The following NT5E variants were observed in gnomAD, a reference collection of about 807,000 sequenced individuals.
The protein encoded by NT5E is 5'-nucleotidase ecto.
Under a neutral mutation model 55.1 loss-of-function variants are expected in NT5E, and 53 were observed. The observed-to-expected ratio is 0.96, with a 90% CI of 0.77 to 1.21. The LOEUF (loss-of-function observed/expected upper bound fraction) is 1.21, where lower values mean the gene tolerates loss of function less well. Ranked by LOEUF, NT5E falls within the 50% of genes most tolerant of loss-of-function variation. The pLI is 0.00. For missense variants in NT5E, 683 were observed against 724.3 expected, an observed-to-expected ratio of 0.94 and a Z score of 0.65; for synonymous variants, 270 against 278.4, an observed-to-expected ratio of 0.97 and a Z score of 0.30.
In NT5E at chr6:85,495,336, T is replaced by C. The variant is rs1769868589; in HGVS notation, c.*1332T>C. The C allele has an allele frequency of 6.6e-6, 1 of 152,228 alleles. No individual in the cohort carries two copies. The highest frequency in any genetic ancestry group is 2.4e-5 in the African/African-American group (1 of 41,464). 9.4% of individuals were successfully genotyped at this position (152,228 alleles called of 1,614,324 possible). ...TACTTAACGTGGGAGTGGAACCACA[T>C]GAGCCTGCTCAGCTCTGCATAAGTA... On this transcript the variant is annotated 3_prime_UTR_variant, in exon 9 of 9. Transcript: ENST00000257770.
intron 1 of NT5E, 36 bp from the exon 2 acceptor site, chr6:85,467,024 G>A (rs759131355): frequency 7.6e-6 from 12 of 1,570,896 alleles, no homozygotes; most frequent in Non-Finnish European, 1.1e-5. Flanking sequence ...TGTTTTTAAA[G>A]CACCTAATTC....
intron 4 of NT5E, 62 bp downstream of exon 4, chr6:85,485,494 C>G: frequency 6.6e-7 from 1 of 1,515,918 alleles, no homozygotes; most frequent in Non-Finnish European, 9.2e-7. Flanking sequence ...ATATTTTGCT[C>G]CTTCCCATTT....
intron 1 of NT5E, among the ~76,000 whole-genome samples, chr6:85,464,727 A>G (rs1405305268): frequency 2.0e-5 from 3 of 152,188 alleles, no homozygotes; most frequent in Non-Finnish European, 4.4e-5. Flanking sequence ...ATAGCTGGAA[A>G]CCCAGTTAGG....
intron 1 of NT5E, among the ~76,000 whole-genome samples, chr6:85,456,617 GT>G (rs1055784721): frequency 2.6e-5 from 4 of 152,156 alleles, no homozygotes; most frequent in African/African-American, 9.7e-5. Context: ...GGAAATCACG[GT>G]TTTGGAAGAT....
intron 8 of NT5E, 27 bp downstream of exon 8, chr6:85,492,204 C>G (rs1432688059): frequency 1.2e-6 from 2 of 1,609,700 alleles, no homozygotes; most frequent in Admixed American, 3.3e-5. Context: ...CTTCCTTTCT[C>G]TAAAGAACAA....
intron 1 of NT5E, among the ~76,000 whole-genome samples, chr6:85,454,094 C>A (rs913907385): frequency 6.6e-6 from 1 of 152,178 alleles, no homozygotes; most frequent in Non-Finnish European, 1.5e-5. Flanking sequence ...CCCATCTCCA[C>A]GTATTTTACC....
intron 4 of NT5E, 28 bp downstream of exon 4, chr6:85,485,460 C>T (rs1010504114): frequency 8.1e-6 from 13 of 1,606,270 alleles, no homozygotes; most frequent in African/African-American, 1.3e-5. Flanking sequence ...GAATGTTCCA[C>T]CAATCTAAAA....
In NT5E at chr6:85,495,572, T is replaced by C. The variant is rs764692440; in HGVS notation, c.*1568T>C. On this transcript the variant is annotated 3_prime_UTR_variant, in exon 9 of 9. Coordinates refer to ENST00000257770, the MANE Select transcript of NT5E (RefSeq NM_002526.4). ...ATATATGGATTAGCTATAAAAAATG[T>C]CAATAAGATTGTACAAGGAAAATTA... is the stretch of plus-strand genomic sequence containing the variant. 1.3e-5 allele frequency: 2 copies of C among 152,228 alleles called. No homozygotes were observed. 9.4% of individuals were successfully genotyped at this position (152,228 alleles called of 1,614,324 possible).
chr6:85,466,616 G>A (rs1334038334), intron 1 of NT5E, among the ~76,000 whole-genome samples: 2 of 152,164 alleles, frequency 1.3e-5, no homozygotes, highest in East Asian at 3.9e-4. Context: ...GAGGCCTTTG[G>A]TCTCTGCCAA....
At chr6:85,456,931 CT>C (rs1261316452) in intron 1 of NT5E, among the ~76,000 whole-genome samples, 2 of 152,186 alleles carry the variant, frequency 1.3e-5, no homozygotes, top group Non-Finnish European at 2.9e-5. Context: ...GTCTCCACCC[CT>C]AGGGTGCTGT....
intron 2 of NT5E, among the ~76,000 whole-genome samples, chr6:85,468,733 G>A (rs1422054261): frequency 1.3e-5 from 2 of 152,130 alleles, no homozygotes. Context: ...GTGATTTGGA[G>A]GAAAGCATTG....
rs1300062893 is a variant in NT5E, at chr6:85,487,391, A to C, written c.1006A>C (p.Thr336Pro). ...KWRIKLDNYS[T>P]QELGKTIVYL... ...GAGGATAAAATTGGATAATTATTCT[A>C]CCCAGGAATTAGGGAAAACAATTGT... Residue 336 changes from threonine to proline, a missense_variant, in exon 5 of 9, where the codon ACC becomes CCC. Coordinates refer to ENST00000257770, the MANE Select transcript of NT5E (RefSeq NM_002526.4). 6.2e-7 allele frequency: 1 copy of C among 1,613,578 alleles called. No individual in the cohort carries two copies. The highest frequency in any genetic ancestry group is 8.5e-7 in the Non-Finnish European group (1 of 1,179,468).
chr6:85,451,921 G>C (rs561695394), intron 1 of NT5E, among the ~76,000 whole-genome samples: 1 of 152,166 alleles, frequency 6.6e-6, no homozygotes, highest in Non-Finnish European at 1.5e-5. Flanking sequence ...TGAGAGAAGG[G>C]GAGAAAGCTC....
At chr6:85,487,728 G>A (rs934668931) in intron 5 of NT5E, among the ~76,000 whole-genome samples, 1 of 152,144 alleles carries the variant, frequency 6.6e-6, no homozygotes, top group South Asian at 2.1e-4. Flanking sequence ...TCCAGCCTGG[G>A]CAAAAGAGCG....
intron 3 of NT5E, among the ~76,000 whole-genome samples, chr6:85,472,102 A>T (rs896854869): frequency 6.6e-6 from 1 of 152,196 alleles, no homozygotes; most frequent in African/African-American, 2.4e-5. Flanking sequence ...AAACTTTTGA[A>T]TCTGGTTCCA....
At position 85,450,900 on chromosome 6, in the gene NT5E, C is replaced by A. The variant is rs937589559; in HGVS notation, c.339+422C>A. ...CTCAATCTTATTGAAAGGGAAACCG[C>A]GTCGAAGAAGCTGAATAAATTAACA... is the stretch of plus-strand genomic sequence containing the variant. On this transcript the variant is annotated intron_variant, in intron 1 of 8. Coordinates refer to ENST00000257770, the MANE Select transcript of NT5E (RefSeq NM_002526.4). This position sits in a 1 kb window ranked among gnomAD's most constrained non-coding sequence, Gnocchi z 4.0. Among the ~76,000 whole-genome samples, 1 of 152,168 alleles carries A rather than the reference C, an allele frequency of 6.6e-6. No individual in the cohort carries two copies. Among genetic ancestry groups the A allele is most frequent in the African/African-American group, 2.4e-5 (1 of 41,424 alleles).
chr6:85,487,700 A>G (rs1166670305), intron 5 of NT5E, among the ~76,000 whole-genome samples: 1 of 152,222 alleles, frequency 6.6e-6, no homozygotes, highest in East Asian at 1.9e-4. Flanking sequence ...GCAGTGAGCT[A>G]TAATTGCACC....
intron 5 of NT5E, among the ~76,000 whole-genome samples, chr6:85,488,147 C>G (rs1164932920): frequency 6.6e-6 from 1 of 152,192 alleles, no homozygotes; most frequent in East Asian, 1.9e-4. Flanking sequence ...TATGGCTGAG[C>G]AAGACCAGGT....
At chr6:85,481,133 A>G (rs778226365) in intron 3 of NT5E, among the ~76,000 whole-genome samples, 1 of 152,218 alleles carries the variant, frequency 6.6e-6, no homozygotes, top group East Asian at 1.9e-4. Flanking sequence ...TTGTCATTCA[A>G]CAAACATTTA....
Sources: allele counts gnomAD v4.1 joint callset (sites outside exome capture counted in the v4.1 genomes callset), GRCh38; gene constraint gnomAD v4.1.1; non-coding constraint Gnocchi (gnomAD v3.1); transcripts MANE v1.5; gene names NCBI Gene and HGNC (gene_info 2026-07-23, HGNC 2026-07-21).